Variants in CCDC171 observed in about 807,000 individuals in gnomAD.
CCDC171 encodes coiled-coil domain containing 171.
A neutral mutation model predicts 168.2 loss-of-function variants in CCDC171; 177 were observed. The ratio of observed to expected loss-of-function variants is 1.05; its 90% CI spans 0.93 to 1.19. CCDC171 has a LOEUF of 1.19. CCDC171 is among the 50% of genes most tolerant of loss of function. The pLI is 0.00. For missense variants in CCDC171, 1,991 were observed against 1,539.0 expected (o/e 1.29, Z -4.91); for synonymous variants, 687 against 540.8 (o/e 1.27, Z -3.75).
chr9:15,822,851 T>G (rs369231445), intron 21 of CCDC171, among the ~76,000 whole-genome samples: 2 of 152,034 alleles, frequency 1.3e-5, no homozygotes, highest in South Asian at 2.1e-4. Context: ...ACCCAAAGGA[T>G]TATAAATCAT....
the CCDC171 span, among the ~76,000 whole-genome samples, chr9:16,086,534 C>T: frequency 1.3e-5 from 2 of 151,962 alleles, no homozygotes; most frequent in African/African-American, 4.8e-5. Context: ...TCTCGAACTC[C>T]TGACCTTGTG....
chr9:15,989,590 G>A (rs556050977), intron 3 of CCDC171, among the ~76,000 whole-genome samples: 1 of 152,148 alleles, frequency 6.6e-6, no homozygotes, highest in Admixed American at 6.5e-5. Flanking sequence ...TGACTTTGAC[G>A]AGTTGAGAGA....
At chr9:15,693,297 G>A (rs1416229895) in intron 10 of CCDC171, among the ~76,000 whole-genome samples, 1 of 152,046 alleles carries the variant, frequency 6.6e-6, no homozygotes, top group Non-Finnish European at 1.5e-5. Context: ...GTTTTTAGCT[G>A]AACAAGATAA....
intron 11 of CCDC171, among the ~76,000 whole-genome samples, chr9:15,710,356 G>A (rs1453093982): frequency 1.3e-5 from 2 of 151,744 alleles, no homozygotes; most frequent in Non-Finnish European, 2.9e-5. Context: ...CACCCAGGCT[G>A]GAGTGGCGCC....
At chr9:15,875,205 A>C (rs1159699339) in intron 24 of CCDC171, 1 of 152,074 alleles carries the variant, frequency 6.6e-6, no homozygotes, top group Non-Finnish European at 1.5e-5. Context: ...TTTAATATTT[A>C]GTTTTAGTGA....
At chr9:15,984,357 T>C (rs1218391741) in intron 3 of CCDC171, among the ~76,000 whole-genome samples, 1 of 148,458 alleles carries the variant, frequency 6.7e-6, no homozygotes, top group Non-Finnish European at 1.5e-5. Flanking sequence ...TGGGGTTAGG[T>C]ATGTAATTAA....
rs534273528 is a variant in CCDC171 at position 15,857,633 on chromosome 9, G to A, written c.3468+8686G>A. 2.0e-5 allele frequency among the ~76,000 whole-genome samples: 3 copies of A among 151,998 alleles called. No individual in the cohort carries two copies. The East Asian group carries it at 5.8e-4, about 30-fold the overall frequency. On this transcript the variant is annotated intron_variant, in intron 23 of 25. Transcript: ENST00000380701. ...AGGTGGAGTTTCACCATGTTGGCCA[G>A]GCTGGTCTTGAACTCCTGTCCTCAA...
chr9:16,004,610 T>C (rs1266656452), intron 3 of CCDC171, among the ~76,000 whole-genome samples: 1 of 152,130 alleles, frequency 6.6e-6, no homozygotes, highest in African/African-American at 2.4e-5. Flanking sequence ...AGGTGTCCAT[T>C]TGCAACTGCA....
At chr9:15,882,444 A>G (rs1457141615) in intron 24 of CCDC171, among the ~76,000 whole-genome samples, 1 of 152,070 alleles carries the variant, frequency 6.6e-6, no homozygotes, top group African/African-American at 2.4e-5. Flanking sequence ...TTTTAACTTG[A>G]TGTAATCCCA....
the CCDC171 span, among the ~76,000 whole-genome samples, chr9:16,098,732 TC>T: frequency 6.6e-6 from 1 of 152,238 alleles, no homozygotes; most frequent in South Asian, 2.1e-4. Context: ...GTTTTAAAGA[TC>T]CCTTTCTGTT....
the CCDC171 span, among the ~76,000 whole-genome samples, chr9:16,069,496 G>T: frequency 1.3e-3 from 205 of 152,384 alleles, no homozygotes; most frequent in Admixed American, 3.3e-3. Context: ...GGGGTGAGAA[G>T]GAGGAGCAGA....
At chr9:15,553,869 G>A (rs2038550571) in intron 1 of CCDC171, among the ~76,000 whole-genome samples, 1 of 151,170 alleles carries the variant, frequency 6.6e-6, no homozygotes, top group Non-Finnish European at 1.5e-5. Flanking sequence ...TTGATCCTAA[G>A]AAAATACATA....
intron 7 of CCDC171, among the ~76,000 whole-genome samples, 174 bp downstream of exon 7, chr9:15,623,587 A>G (rs1010460536): frequency 6.6e-6 from 1 of 151,978 alleles, no homozygotes; most frequent in Non-Finnish European, 1.5e-5. Context: ...GCACTTATTT[A>G]TAATGTATAT....
intron 7 of CCDC171, among the ~76,000 whole-genome samples, chr9:15,638,874 C>G (rs1429083689): frequency 3.3e-5 from 5 of 151,906 alleles, no homozygotes; most frequent in Admixed American, 1.3e-4. Flanking sequence ...TTATAAACCT[C>G]TTTACAACTA....
chr9:16,039,405 A>C (rs1284486373), upstream of CCDC171, among the ~76,000 whole-genome samples: 6 of 152,176 alleles, frequency 3.9e-5, no homozygotes, highest in Non-Finnish European at 8.8e-5. Flanking sequence ...TTGTGGCCTC[A>C]AGATTCTTTA....
At chr9:16,068,949 C>A in the CCDC171 span, among the ~76,000 whole-genome samples, 1 of 152,164 alleles carries the variant, frequency 6.6e-6, no homozygotes, top group Non-Finnish European at 1.5e-5. Flanking sequence ...CCAAAAAGGT[C>A]TGGCAGAAGT....
intron 23 of CCDC171, among the ~76,000 whole-genome samples, chr9:15,850,708 C>A (rs535657666): frequency 6.6e-6 from 1 of 152,032 alleles, no homozygotes; most frequent in African/African-American, 2.4e-5. Context: ...CCCAGAGAGT[C>A]CTCTGAAAGT....
intron 23 of CCDC171, among the ~76,000 whole-genome samples, chr9:15,853,747 T>C (rs190624916): frequency 1.3e-5 from 2 of 151,600 alleles, no homozygotes; most frequent in Non-Finnish European, 3.0e-5. Context: ...TAGATCCTCT[T>C]TATCAGTTTG....
Position 15,594,040 on chromosome 9 carries a change from G to A in CCDC171, c.544-1G>A, listed in dbSNP as rs752407307. 6.3e-6 allele frequency: 10 copies of A among 1,578,718 alleles called. No individual in the cohort carries two copies. The highest frequency in any genetic ancestry group is 8.6e-6 in the Non-Finnish European group (10 of 1,160,662). ...TAAAGCAAGATTTTATTTATATAAA[G>A]GAAGCGTTGGAAAAACATCAACGGG... On this transcript the variant is annotated splice_acceptor_variant, in intron 5 of 25. Transcript: ENST00000380701. LOFTEE classifies it high-confidence loss of function.
Sources: gnomAD v4.1 joint callset for allele counts (sites outside exome capture counted in the v4.1 genomes callset) on GRCh38, gnomAD v4.1.1 for gene constraint, MANE v1.5 for transcripts, NCBI Gene and HGNC (gene_info 2026-07-23, HGNC 2026-07-21) for gene names.